Variants in CNTLN observed in about 807,000 individuals in gnomAD.
The protein encoded by CNTLN is centlein, centrosomal protein.
In CNTLN, 212 loss-of-function variants were observed where a neutral mutation model predicts 180.0. The observed-to-expected ratio is 1.18, with a 90% CI of 1.05 to 1.32. CNTLN has a LOEUF of 1.32. Ranked by LOEUF, CNTLN falls within the 40% of genes most tolerant of loss-of-function variation. The probability of loss-of-function intolerance (pLI) is 0.00; values close to 1 mark genes in which losing one functional copy is unlikely to be tolerated. For synonymous variants in CNTLN, 722 were observed against 563.1 expected, an observed-to-expected ratio of 1.28 and a Z score of -3.99; for missense variants, 2,095 against 1,610.9, an observed-to-expected ratio of 1.30 and a Z score of -5.14.
At chr9:17,418,777 A>C (rs867057154) in intron 18 of CNTLN, among the ~76,000 whole-genome samples, 1 of 152,036 alleles carries the variant, frequency 6.6e-6, no homozygotes, top group Non-Finnish European at 1.5e-5. Context: ...ATTAACATTT[A>C]AGACAGATTT....
chr9:17,475,598 C>G (rs569347463), intron 23 of CNTLN, among the ~76,000 whole-genome samples: 1 of 151,856 alleles, frequency 6.6e-6, no homozygotes, highest in African/African-American at 2.4e-5. Context: ...AGGGGCCGGG[C>G]ACAGTGGCTC....
At chr9:17,387,532 A>G (rs1193919595) in intron 13 of CNTLN, among the ~76,000 whole-genome samples, 3 of 152,084 alleles carry the variant, frequency 2.0e-5, no homozygotes, top group Non-Finnish European at 4.4e-5. Flanking sequence ...CTTGGTTGAA[A>G]AGGTTTTGGC....
intron 2 of CNTLN, among the ~76,000 whole-genome samples, chr9:17,156,228 AATTGT>A (rs1375890958): frequency 1.3e-5 from 2 of 152,170 alleles, no homozygotes; most frequent in Admixed American, 6.5e-5. Flanking sequence ...TTAACAAATA[AATTGT>A]ATTGAGTAGG....
intron 2 of CNTLN, among the ~76,000 whole-genome samples, chr9:17,177,409 A>G (rs1438286573): frequency 2.8e-5 from 4 of 144,608 alleles, no homozygotes; most frequent in Non-Finnish European, 6.0e-5. Context: ...ACTCTGTCTC[A>G]AAAAAAAAAA....
intron 18 of CNTLN, among the ~76,000 whole-genome samples, chr9:17,421,504 T>C (rs529937318): frequency 6.6e-6 from 1 of 152,278 alleles, no homozygotes; most frequent in African/African-American, 2.4e-5. Flanking sequence ...TCATTGGGTC[T>C]TGTTTTTTAA....
In CNTLN at chr9:17,462,962, T is replaced by A. The variant is rs749402975; in HGVS notation, c.3353T>A (p.Leu1118Ter). The A allele has an allele frequency of 1.9e-6, 3 of 1,584,614 alleles. No homozygotes were observed. The highest frequency in any genetic ancestry group is 1.7e-6 in the Non-Finnish European group (2 of 1,169,046). The change falls in exon 20 of 26, where the codon TTG (leucine) becomes TAG (stop). Residue 1118 changes from leucine (L) to a stop codon, truncating the protein, a stop_gained. Transcript: ENST00000380647. LOFTEE classifies it high-confidence loss of function. ...LTKQSSNVKT[L>*]KFELLAKEEH... Reference sequence around the variant, plus strand: ...AAACAGTCATCAAATGTGAAGACTTTGAAATTTGAACTCCTAGCAAAAGAA... The same window carrying A: ...AAACAGTCATCAAATGTGAAGACTTAGAAATTTGAACTCCTAGCAAAAGAA...
At chr9:17,413,137 C>T (rs1827977391) in intron 16 of CNTLN, among the ~76,000 whole-genome samples, 1 of 114,932 alleles carries the variant, frequency 8.7e-6, no homozygotes, top group African/African-American at 2.6e-5. Context: ...GTATGAACAA[C>T]TGATTTTTGA....
At chr9:17,256,841 T>C (rs1477058775) in intron 5 of CNTLN, among the ~76,000 whole-genome samples, 1 of 151,936 alleles carries the variant, frequency 6.6e-6, no homozygotes, top group East Asian at 1.9e-4. Context: ...CTTGATTTTT[T>C]GGAAGGTCAA....
At chr9:17,181,490 T>C (rs1462385382) in intron 2 of CNTLN, among the ~76,000 whole-genome samples, 1 of 152,276 alleles carries the variant, frequency 6.6e-6, no homozygotes, top group Non-Finnish European at 1.5e-5. Flanking sequence ...TTTGAAATTG[T>C]TGTCACATAA....
intron 6 of CNTLN, among the ~76,000 whole-genome samples, chr9:17,295,509 C>T (rs1817826691): frequency 6.6e-6 from 1 of 152,090 alleles, no homozygotes; most frequent in Admixed American, 6.5e-5. Context: ...GTGGGTTGTG[C>T]CAGCTGCCTA....
At position 17,188,362 on chromosome 9, in the gene CNTLN, C is replaced by T. The variant is rs187352748; in HGVS notation, c.450-37841C>T. Among the ~76,000 whole-genome samples the T allele has an allele frequency of 3.2e-4, 49 of 152,066 alleles. 1 individual carries two copies. The highest frequency in any genetic ancestry group is 1.2e-3 in the African/African-American group (48 of 41,530). On this transcript the variant is annotated intron_variant, in intron 2 of 25. Coordinates refer to ENST00000380647, the MANE Select transcript of CNTLN (RefSeq NM_017738.4). ...TGGAGCATATTTTTCATATTGAAGG[C>T]AAAGCAAAGATAGTTTTCAAAAACT... is the stretch of plus-strand genomic sequence containing the variant.
downstream of CNTLN, among the ~76,000 whole-genome samples, chr9:17,505,214 A>G (rs1317968005): frequency 6.6e-6 from 1 of 152,154 alleles, no homozygotes; most frequent in Non-Finnish European, 1.5e-5. Flanking sequence ...GCCTACAGCT[A>G]ACATTGTATG....
intron 10 of CNTLN, among the ~76,000 whole-genome samples, chr9:17,334,162 C>G (rs377246332): frequency 2.0e-5 from 3 of 152,086 alleles, no homozygotes; most frequent in African/African-American, 7.2e-5. Context: ...CAGGTTCGAG[C>G]TATTCTTCTG....
At chr9:17,463,276 G>A (rs1831554163) in intron 20 of CNTLN, among the ~76,000 whole-genome samples, 1 of 151,466 alleles carries the variant, frequency 6.6e-6, no homozygotes, top group East Asian at 1.9e-4. Flanking sequence ...TAATGGCTTC[G>A]AGACAATGAA....
the CNTLN span, among the ~76,000 whole-genome samples, chr9:17,509,052 C>T: frequency 2.0e-4 from 31 of 152,332 alleles, no homozygotes; most frequent in African/African-American, 7.0e-4. Flanking sequence ...TGTAGATGCA[C>T]GTCAGCTTCT....
downstream of CNTLN, among the ~76,000 whole-genome samples, chr9:17,506,154 C>T (rs1398447668): frequency 6.6e-6 from 1 of 151,622 alleles, no homozygotes; most frequent in African/African-American, 2.4e-5. Flanking sequence ...AATGGGTCAA[C>T]ATTTAAATGT....
chr9:17,357,330 G>A (rs912372058), intron 12 of CNTLN, among the ~76,000 whole-genome samples: 2 of 151,674 alleles, frequency 1.3e-5, no homozygotes, highest in East Asian at 3.9e-4. Context: ...TTGCTATAAA[G>A]TCAACAGGAT....
At chr9:17,206,784 G>A (rs1822952541) in intron 2 of CNTLN, among the ~76,000 whole-genome samples, 1 of 152,186 alleles carries the variant, frequency 6.6e-6, no homozygotes, top group Non-Finnish European at 1.5e-5. Flanking sequence ...ATCCAGTGTT[G>A]TTTCGGAGAA....
chr9:17,397,746 T>C (rs1826649588), intron 15 of CNTLN, among the ~76,000 whole-genome samples: 1 of 152,200 alleles, frequency 6.6e-6, no homozygotes, highest in African/African-American at 2.4e-5. Flanking sequence ...CATTAGTGCA[T>C]GTGCACAAGG....
Sources: gnomAD v4.1 joint callset for allele counts (sites outside exome capture counted in the v4.1 genomes callset) on GRCh38, gnomAD v4.1.1 for gene constraint, MANE v1.5 for transcripts, NCBI Gene and HGNC (gene_info 2026-07-23, HGNC 2026-07-21) for gene names.